The following PRAMEF20 variants were observed in gnomAD, a reference collection of about 807,000 sequenced individuals.
The protein encoded by PRAMEF20 is PRAME family member 20.
Under a neutral mutation model 32.4 loss-of-function variants are expected in PRAMEF20, and 27 were observed. The ratio of observed to expected loss-of-function variants is 0.83; its 90% CI spans 0.61 to 1.15. The LOEUF is 1.15. Among genes scored for constraint, PRAMEF20 ranks in the 50% most tolerant of loss-of-function variants. The pLI is 0.00. For missense variants in PRAMEF20, 604 were observed against 584.5 expected, an observed-to-expected ratio of 1.03 and a Z score of -0.34; for synonymous variants, 256 against 235.4, an observed-to-expected ratio of 1.09 and a Z score of -0.80.
At chr1:13,418,027 G>A (rs1226754980) in intron 1 of PRAMEF20, 95 bp from the exon 3 acceptor site, 15 of 1,599,196 alleles carry the variant, frequency 9.4e-6, no homozygotes, top group South Asian at 4.4e-5. Flanking sequence ...GCCCGCCTTG[G>A]CCTCCCAAAG....
chr1:13,412,230 C>CTGG (rs1641121555), upstream of PRAMEF20, among the ~76,000 whole-genome samples: 1 of 151,858 alleles, frequency 6.6e-6, no homozygotes, highest in African/African-American at 2.4e-5. Context: ...GTTGCCCAGG[C>CTGG]TGGTCTCCAA....
rs1001672294 is a variant in PRAMEF20, at chr1:13,417,638, G to A, written c.288-484G>A. Among the ~76,000 whole-genome samples, 896 of 151,650 alleles carry A rather than the reference G, an allele frequency of 5.9e-3. 11 individuals are homozygous for A. Among genetic ancestry groups the A allele is most frequent in the African/African-American group, 0.018 (738 of 41,420 alleles). ...AAGTGGAACTGGGCAGGATCCAAGG[G>A]TAAAACAGGGTGGAGAAAAGTCAGA... On this transcript the variant is annotated intron_variant, in intron 1 of 2. Transcript: ENST00000602960.
upstream of PRAMEF20, among the ~76,000 whole-genome samples, chr1:13,416,169 C>T (rs1438521411): frequency 6.6e-6 from 1 of 152,218 alleles, no homozygotes; most frequent in African/African-American, 2.4e-5. Flanking sequence ...GCTGATGCAG[C>T]AGAGGCAGAA....
At chr1:13,415,589 T>C (rs1399839389), upstream of PRAMEF20, among the ~76,000 whole-genome samples, 1 of 152,082 alleles carries the variant, frequency 6.6e-6, no homozygotes, top group Admixed American at 6.6e-5. Flanking sequence ...AAGACCAGCC[T>C]GGGCAACATA....
At chr1:13,418,489 C>T in exon 2 of PRAMEF20, 4 of 1,613,900 alleles carry the variant, frequency 2.5e-6, no homozygotes, top group Non-Finnish European at 3.4e-6. Context: ...TTGGACACTG[C>T]CCGTCCTGGC....
chr1:13,419,837 G>A (rs1382948827), intron 2 of PRAMEF20, among the ~76,000 whole-genome samples: 1 of 152,176 alleles, frequency 6.6e-6, no homozygotes, highest in South Asian at 2.1e-4. Flanking sequence ...GTGCCCCACA[G>A]CTTGGTGAAC....
rs1261896365 is a variant in PRAMEF20 at position 13,418,494 on chromosome 1, C to A, written c.660C>A (p.Val220=). The A allele has an allele frequency of 2.5e-6, 4 of 1,613,934 alleles. No homozygotes were observed. The East Asian group carries it at 6.7e-5, about 27-fold the overall frequency. ...TGAATTGCAATTGGACACTGCCCGT[C>A]CTGGCAGAGTTTACCCCATACCTCG... The change falls in exon 2 of 3, where the codon GTC becomes GTA. Residue 220 remains valine, a synonymous_variant. Transcript: ENST00000602960.
the PRAMEF20 span, chr1:13,410,514 TGAGTCCA>T: frequency 2.0e-5 from 3 of 152,056 alleles, no homozygotes; most frequent in Non-Finnish European, 4.4e-5. Flanking sequence ...CCCTGCAAAC[TGAGTCCA>T]GATCTGGTAA....
chr1:13,417,910 T>TATGTGTGTGTGTGTG (rs1369049111), intron 1 of PRAMEF20, among the ~76,000 whole-genome samples: 4 of 124,218 alleles, frequency 3.2e-5, no homozygotes, highest in African/African-American at 5.9e-5. Context: ...CCCGGCTAAT[T>TATGTGTGTGTGTGTG]TGTGTGTGTG....
At chr1:13,416,359 G>A in exon 1 of PRAMEF20, 2 of 1,612,674 alleles carry the variant, frequency 1.2e-6, no homozygotes, top group South Asian at 1.1e-5. Context: ...AGGAAGATGA[G>A]CATCCGGACT....
intron 1 of PRAMEF20, 69 bp downstream of exon 2, chr1:13,416,710 GGAGT>G: frequency 6.2e-7 from 1 of 1,612,020 alleles, no homozygotes; most frequent in South Asian, 1.1e-5. Context: ...TGGGTCATGA[GGAGT>G]GAGGAGGTCC....
intron 2 of PRAMEF20, among the ~76,000 whole-genome samples, chr1:13,419,409 A>G (rs1270466880): frequency 6.6e-6 from 1 of 152,038 alleles, no homozygotes; most frequent in African/African-American, 2.4e-5. Context: ...TCGGCCTCCC[A>G]AAGTGTCAGG....
chr1:13,419,220 C>A (rs1481837835), intron 2 of PRAMEF20, among the ~76,000 whole-genome samples: 8 of 152,156 alleles, frequency 5.3e-5, no homozygotes, highest in Non-Finnish European at 8.8e-5. Flanking sequence ...GTGGTGTGAT[C>A]TTGGCTCGCT....
upstream of PRAMEF20, among the ~76,000 whole-genome samples, chr1:13,414,208 A>ATTTTT (rs149194621): frequency 8.1e-5 from 10 of 123,268 alleles, no homozygotes; most frequent in Non-Finnish European, 9.8e-5. Context: ...CACCTGACTA[A>ATTTTT]TTTTTTTTTT....
chr1:13,415,615 T>C (rs1345721854), upstream of PRAMEF20, among the ~76,000 whole-genome samples: 5 of 151,626 alleles, frequency 3.3e-5, no homozygotes, highest in Admixed American at 2.6e-4. Context: ...ACCCATTGTC[T>C]TTACAAAACA....
chr1:13,418,672 C>T (rs1641210339), exon 2 of PRAMEF20: 1 of 1,613,706 alleles, frequency 6.2e-7, no homozygotes, highest in African/African-American at 1.3e-5. Flanking sequence ...TGTTTCTTTC[C>T]TCGAAGGCCA....
At chr1:13,414,190 C>T (rs986813266), upstream of PRAMEF20, among the ~76,000 whole-genome samples, 4 of 150,276 alleles carry the variant, frequency 2.7e-5, no homozygotes, top group East Asian at 2.0e-4. Context: ...TACAGGCACC[C>T]GCCATCACAC....
chr1:13,420,669 G>A, intron 2 of PRAMEF20, 28 bp from the exon 4 acceptor site: 11 of 1,613,692 alleles, frequency 6.8e-6, no homozygotes, highest in Non-Finnish European at 8.5e-6. Flanking sequence ...CGATTCCCCA[G>A]AACTAACTTC....
chr1:13,410,556 C>A, the PRAMEF20 span: 15 of 151,972 alleles, frequency 9.9e-5, no homozygotes, highest in Admixed American at 7.2e-4. Context: ...TAAGGACACT[C>A]CCATCTGACC....
Sources: allele counts gnomAD v4.1 joint callset (sites outside exome capture counted in the v4.1 genomes callset), GRCh38; gene constraint gnomAD v4.1.1; transcripts MANE v1.5; gene names NCBI Gene and HGNC (gene_info 2026-07-23, HGNC 2026-07-21).